Variants in MYO7A observed in about 807,000 individuals in gnomAD.
MYO7A encodes myosin VIIA, also known as unconventional myosin-VIIa.
A neutral mutation model predicts 263.8 loss-of-function variants in MYO7A; 210 were observed. The ratio of observed to expected loss-of-function variants is 0.80; its 90% CI spans 0.71 to 0.89. The LOEUF (loss-of-function observed/expected upper bound fraction) is 0.89, where lower values mean the gene tolerates loss of function less well. Among genes scored for constraint, MYO7A ranks in the 40% least tolerant of loss-of-function variants. The probability of loss-of-function intolerance (pLI) is 0.00; values close to 1 mark genes in which losing one functional copy is unlikely to be tolerated. For missense variants in MYO7A, 2,820 were observed against 2,968.3 expected, an observed-to-expected ratio of 0.95 and a Z score of 1.16; for synonymous variants, 1,239 against 1,197.3, an observed-to-expected ratio of 1.03 and a Z score of -0.72.
At chr11:77,150,313 G>A (rs1197102004) in intron 4 of MYO7A, among the ~76,000 whole-genome samples, 42 of 152,192 alleles carry the variant, frequency 2.8e-4, no homozygotes, top group Admixed American at 2.7e-3. Flanking sequence ...CGAAGGAGTC[G>A]GTAGGTCAGC....
At chr11:77,191,774 T>C (rs1291062044) in intron 30 of MYO7A, among the ~76,000 whole-genome samples, 3 of 152,232 alleles carry the variant, frequency 2.0e-5, no homozygotes, top group African/African-American at 4.8e-5. Context: ...GATGCTCTTA[T>C]GTTTCCAGGT....
intron 19 of MYO7A, among the ~76,000 whole-genome samples, chr11:77,178,008 A>G (rs1480472413): frequency 6.6e-6 from 1 of 152,006 alleles, no homozygotes; most frequent in African/African-American, 2.4e-5. Flanking sequence ...TGTGTCTCAT[A>G]TTCTATCTAA....
rs151178154 is a variant in MYO7A at position 77,164,542 on chromosome 11, G to A, written c.1691-1514G>A. ...CAGGCTGCAGTGGTAGAATCTGATGGCGGCTCAGATTCCCTTACAATATTG... is the reference window on the plus strand; with the variant it reads ...CAGGCTGCAGTGGTAGAATCTGATGACGGCTCAGATTCCCTTACAATATTG... On this transcript the variant is annotated intron_variant, in intron 14 of 48. Transcript: ENST00000409709. Among the ~76,000 whole-genome samples, 335 of 152,338 alleles carry A rather than the reference G, an allele frequency of 2.2e-3. 1 individual carries two copies. The highest frequency in any genetic ancestry group is 7.7e-3 in the African/African-American group (320 of 41,576).
chr11:77,195,168 G>A (rs969940093), intron 32 of MYO7A, among the ~76,000 whole-genome samples: 4 of 152,000 alleles, frequency 2.6e-5, no homozygotes, highest in Admixed American at 6.6e-5. Context: ...CCTCCACCTC[G>A]TGGCCTCCGT....
chr11:77,160,830 A>G, intron 11 of MYO7A, 143 bp from the exon 12 acceptor site: 6 of 885,398 alleles, frequency 6.8e-6, no homozygotes, highest in Non-Finnish European at 8.7e-6. Flanking sequence ...GGCAGAGGGA[A>G]CAGCTCAAGT....
At chr11:77,191,636 C>T (rs573880974) in intron 30 of MYO7A, among the ~76,000 whole-genome samples, 2 of 152,314 alleles carry the variant, frequency 1.3e-5, no homozygotes, top group African/African-American at 4.8e-5. Flanking sequence ...CTCGGCTGAG[C>T]GGGACCTGGG....
At chr11:77,195,557 A>G (rs2135632898) in intron 32 of MYO7A, among the ~76,000 whole-genome samples, 1 of 152,244 alleles carries the variant, frequency 6.6e-6, no homozygotes, top group South Asian at 2.1e-4. Context: ...ATTATTATGC[A>G]TTCATTTTAT....
chr11:77,179,944 C>A lies in MYO7A; in HGVS notation c.2577C>A (p.Leu859=). 6.6e-7 allele frequency: 1 copy of A among 1,526,536 alleles called. No individual in the cohort carries two copies. Among genetic ancestry groups the A allele is most frequent in the Non-Finnish European group, 8.8e-7 (1 of 1,138,192 alleles). The allele number at this position is 1,526,536 out of a possible 1,614,324, so 94.6% of individuals were successfully genotyped here. A position where few individuals can be genotyped will look rare whatever the true frequency, so the allele number is the denominator to read the frequency against. ...TCGCCCGCAGGCTGCACCAACGCCT[C>A]AGGGCTGAGGTGAGGGAGCAAGTCC... ...GMIARRLHQR[L]RAEYLWRLEA... Residue 859 remains leucine (L), a synonymous_variant, in exon 21 of 49, where the codon CTC becomes CTA. Transcript: ENST00000409709.
intron 13 of MYO7A, 133 bp from the exon 14 acceptor site, chr11:77,162,720 A>G: frequency 1.7e-6 from 2 of 1,187,912 alleles, no homozygotes; most frequent in Non-Finnish European, 2.3e-6. Flanking sequence ...GGTTCCAGAG[A>G]GCGCCTATGT....
rs554789699 is a variant in MYO7A, at chr11:77,158,321, C to T, written c.894C>T (p.Tyr298=). ...AGGGCCGGGTGGACAGCCAGGAGTACGCCAACATCCGCTCCGCCATGAAGG... is the reference window on the plus strand; with the variant it reads ...AGGGCCGGGTGGACAGCCAGGAGTATGCCAACATCCGCTCCGCCATGAAGG... ...TCEGRVDSQE[Y]ANIRSAMKVL... Residue 298 remains tyrosine, a synonymous_variant, in exon 9 of 49, where the codon TAC becomes TAT. Coordinates refer to ENST00000409709, the MANE Select transcript of MYO7A (RefSeq NM_000260.4). 4.4e-5 allele frequency: 71 copies of T among 1,612,488 alleles called. No individual in the cohort carries two copies. The highest frequency in any genetic ancestry group is 8.9e-5 in the East Asian group (4 of 44,854).
intron 38 of MYO7A, among the ~76,000 whole-genome samples, chr11:77,203,456 T>C (rs1565470535): frequency 6.6e-6 from 1 of 152,102 alleles, no homozygotes; most frequent in Non-Finnish European, 1.5e-5. Flanking sequence ...GGCATGCAGG[T>C]AGAGCAGGGA....
chr11:77,147,774 C>A, intron 3 of MYO7A, 24 bp from the exon 4 acceptor site: 1 of 1,605,728 alleles, frequency 6.2e-7, no homozygotes, highest in Non-Finnish European at 8.5e-7. Context: ...CAGGAGAGCA[C>A]GCTGACGTTC....
intron 36 of MYO7A, 70 bp from the exon 37 acceptor site, chr11:77,202,230 G>T: frequency 6.6e-7 from 1 of 1,505,928 alleles, no homozygotes; most frequent in Non-Finnish European, 8.9e-7. Flanking sequence ...AAGGCTTCAG[G>T]GTATACCATG....
At position 77,158,498 on chromosome 11, in the gene MYO7A, C is replaced by T. The variant is rs548747583; in HGVS notation, c.1003+68C>T. 7.2e-6 allele frequency: 11 copies of T among 1,528,624 alleles called. No individual in the cohort carries two copies. The East Asian group carries it at 1.2e-4, about 16-fold the overall frequency. The allele number at this position is 1,528,624 out of a possible 1,614,324, so 94.7% of individuals were successfully genotyped here. ...GGGCAGTGCAGTGCCTTGCTGCCCA[C>T]GTGGTATTGGCAGCTCAGTTTCTGT... On this transcript the variant is annotated intron_variant, in intron 9 of 48. Transcript: ENST00000409709.
At chr11:77,148,597 C>T (rs1473481128) in intron 4 of MYO7A, among the ~76,000 whole-genome samples, 3 of 152,162 alleles carry the variant, frequency 2.0e-5, no homozygotes, top group African/African-American at 7.2e-5. Context: ...TAGAGGTTCT[C>T]ACACTTTTTG....
chr11:77,156,094 G>T lies in MYO7A; in HGVS notation c.470+3G>T. 1 of 1,613,454 alleles carries T rather than the reference G, an allele frequency of 6.2e-7. No individual in the cohort carries two copies. Among genetic ancestry groups the T allele is most frequent in the East Asian group, 2.2e-5 (1 of 44,872 alleles). On this transcript the variant is annotated splice_donor_region_variant and intron_variant, in intron 5 of 48. Transcript: ENST00000409709. ...CGAGACCAGTGCTGCATCATCAGGT[G>T]GGCGGCCCAGCACCTGTGTGGAGCT...
intron 2 of MYO7A, among the ~76,000 whole-genome samples, chr11:77,133,211 A>G (rs1016720428): frequency 3.9e-5 from 6 of 152,184 alleles, no homozygotes; most frequent in African/African-American, 1.4e-4. Flanking sequence ...TCTCATGAAC[A>G]TACAGGGACT....
chr11:77,209,891 TGCC>T (rs1341858659), intron 44 of MYO7A, among the ~76,000 whole-genome samples: 124 of 152,354 alleles, frequency 8.1e-4, no homozygotes, highest in African/African-American at 2.9e-3. Flanking sequence ...TGCCTGGTGG[TGCC>T]ACTAACTGCT....
At chr11:77,132,776 C>A (rs12803821) in intron 2 of MYO7A, among the ~76,000 whole-genome samples, 8,010 of 152,200 alleles carry the variant, frequency 0.053, 298 homozygotes, top group Non-Finnish European at 0.079. Context: ...CGTGAGCCAC[C>A]GCACCAGGTG....
Sources: gnomAD v4.1 joint callset for allele counts (sites outside exome capture counted in the v4.1 genomes callset) on GRCh38, gnomAD v4.1.1 for gene constraint, MANE v1.5 for transcripts, NCBI Gene and HGNC (gene_info 2026-07-23, HGNC 2026-07-21) for gene names.